Variants in DPYD observed in about 807,000 individuals in gnomAD.
DPYD encodes dihydropyrimidine dehydrogenase.
Under a neutral mutation model 116.2 loss-of-function variants are expected in DPYD, and 109 were observed. The observed-to-expected ratio is 0.94, with a 90% CI of 0.80 to 1.10. The LOEUF (loss-of-function observed/expected upper bound fraction) is 1.10. Ranked by LOEUF, DPYD falls within the 50% of genes least tolerant of loss-of-function variation. The pLI is 0.00. For synonymous variants in DPYD, 440 were observed against 432.0 expected, an observed-to-expected ratio of 1.02 and a Z score of -0.23; for missense variants, 1,302 against 1,254.5, an observed-to-expected ratio of 1.04 and a Z score of -0.57.
intron 8 of DPYD, among the ~76,000 whole-genome samples, chr1:97,637,634 A>G (rs934894483): frequency 6.6e-6 from 1 of 152,132 alleles, no homozygotes; most frequent in African/African-American, 2.4e-5. Context: ...AGAAGTGAGA[A>G]AAGAGAAAGG....
At chr1:97,537,779 A>G (rs1486747113) in intron 12 of DPYD, among the ~76,000 whole-genome samples, 1 of 152,242 alleles carries the variant, frequency 6.6e-6, no homozygotes, top group Non-Finnish European at 1.5e-5. Flanking sequence ...TAAAAAGGAA[A>G]CTGAAACCTT....
Position 97,227,092 on chromosome 1 carries a change from C to A in DPYD, c.2442+7760G>T, listed in dbSNP as rs1417177566. Among the ~76,000 whole-genome samples the A allele has an allele frequency of 2.0e-5, 3 of 152,010 alleles. No individual in the cohort carries two copies. In the East Asian group the frequency reaches 5.8e-4, roughly 29 times the overall value. On this transcript the variant is annotated intron_variant, in intron 19 of 22. Coordinates refer to ENST00000370192, the MANE Select transcript of DPYD (RefSeq NM_000110.4). ...CCTTTAATCCCAGTCTTTTGGGAGG[C>A]TGAGTGGGTGGATCACAAGGTCAGA... is the stretch of plus-strand genomic sequence containing the variant.
intron 8 of DPYD, among the ~76,000 whole-genome samples, chr1:97,669,856 C>A (rs1214869088): frequency 6.6e-6 from 1 of 152,118 alleles, no homozygotes; most frequent in Non-Finnish European, 1.5e-5. Flanking sequence ...TCAATCCCTG[C>A]CATTTCCATG....
At chr1:97,762,627 G>T (rs1557941825) in intron 3 of DPYD, among the ~76,000 whole-genome samples, 1 of 152,048 alleles carries the variant, frequency 6.6e-6, no homozygotes, top group Admixed American at 6.6e-5. Context: ...CTTAACCTTA[G>T]ATTCTCTCTC....
At chr1:97,595,222 G>T in intron 8 of DPYD, 56 bp from the exon 9 acceptor site, 1 of 1,408,016 alleles carries the variant, frequency 7.1e-7, no homozygotes, top group Non-Finnish European at 1.0e-6. Context: ...TTTCCTATTA[G>T]ATATTAAAAC....
intron 18 of DPYD, among the ~76,000 whole-genome samples, chr1:97,258,542 C>T (rs1000741983): frequency 6.6e-6 from 1 of 152,124 alleles, no homozygotes; most frequent in East Asian, 1.9e-4. Context: ...TTTCCTCCTC[C>T]CTGATGTCTA....
Position 97,742,890 on chromosome 1 carries a change from C to T in DPYD, c.234-2411G>A, listed in dbSNP as rs550372104. On this transcript the variant is annotated intron_variant, in intron 3 of 22. Transcript: ENST00000370192. ...ACACAAAAGTAAGCGCACACACACA[C>T]ATATATGGCACATCATATGGATTCT... Among the ~76,000 whole-genome samples, 99 of 152,184 alleles carry T rather than the reference C, an allele frequency of 6.5e-4. 2 individuals are homozygous for T. In the South Asian group the frequency reaches 0.018, roughly 27 times the overall value.
rs1654150940 is a variant in DPYD at position 97,586,689 on chromosome 1, T to C, written c.1128+6529A>G. 2.0e-5 allele frequency among the ~76,000 whole-genome samples: 3 copies of C among 151,690 alleles called. No homozygotes were observed. The South Asian group carries it at 6.2e-4, about 31-fold the overall frequency. On this transcript the variant is annotated intron_variant, in intron 10 of 22. Coordinates refer to ENST00000370192, the MANE Select transcript of DPYD (RefSeq NM_000110.4). ...TAAATGGGCACAAGCTTTTGTTGGC[T>C]CCTGGCCTATTTGCAGTCTTCTTTT...
intron 8 of DPYD, among the ~76,000 whole-genome samples, chr1:97,636,432 G>A (rs1012707306): frequency 6.6e-5 from 10 of 151,798 alleles, no homozygotes; most frequent in African/African-American, 2.2e-4. Context: ...CAAGTCACCC[G>A]ACCTTTCCAA....
At chr1:97,838,868 A>T (rs1669909503) in intron 2 of DPYD, among the ~76,000 whole-genome samples, 1 of 152,024 alleles carries the variant, frequency 6.6e-6, no homozygotes, top group South Asian at 2.1e-4. Flanking sequence ...AAAAATAAAT[A>T]AAAAAATAAA....
intron 8 of DPYD, among the ~76,000 whole-genome samples, chr1:97,616,768 A>C (rs1007010343): frequency 6.6e-6 from 1 of 152,226 alleles, no homozygotes; most frequent in African/African-American, 2.4e-5. Context: ...ATAATTTTTA[A>C]TTTCAATTGT....
intron 13 of DPYD, among the ~76,000 whole-genome samples, chr1:97,471,071 T>A (rs1206834836): frequency 6.6e-6 from 1 of 152,126 alleles, no homozygotes; most frequent in Non-Finnish European, 1.5e-5. Flanking sequence ...AGATTGTGAG[T>A]GCAGAATGCA....
At chr1:97,132,966 T>C in intron 20 of DPYD, among the ~76,000 whole-genome samples, 1 of 152,086 alleles carries the variant, frequency 6.6e-6, no homozygotes, top group Non-Finnish European at 1.5e-5. Flanking sequence ...TATTTCTTAA[T>C]ATAACATGAA....
At chr1:97,815,417 G>T (rs781030788) in intron 3 of DPYD, among the ~76,000 whole-genome samples, 79 of 152,182 alleles carry the variant, frequency 5.2e-4, no homozygotes, top group Admixed American at 8.5e-4. Flanking sequence ...GGACATAGCT[G>T]CCAAGGAGAG....
chr1:97,408,270 C>G (rs4336888), intron 14 of DPYD, among the ~76,000 whole-genome samples: 44,174 of 152,060 alleles, frequency 0.29, 6,560 homozygotes, highest in South Asian at 0.45. Flanking sequence ...ATCAATACCA[C>G]CTACGACCAC....
At chr1:97,510,760 T>A (rs1227701554) in intron 13 of DPYD, among the ~76,000 whole-genome samples, 1 of 152,020 alleles carries the variant, frequency 6.6e-6, no homozygotes, top group Non-Finnish European at 1.5e-5. Context: ...CTTTGTAACA[T>A]GCTTTGAATA....
At chr1:97,231,271 T>C (rs2100735071) in intron 19 of DPYD, among the ~76,000 whole-genome samples, 1 of 152,338 alleles carries the variant, frequency 6.6e-6, no homozygotes, top group African/African-American at 2.4e-5. Flanking sequence ...ACAGGCAATA[T>C]GCCCAGTTGG....
chr1:97,091,057 T>C (rs1179291748), intron 21 of DPYD, among the ~76,000 whole-genome samples: 1 of 152,214 alleles, frequency 6.6e-6, no homozygotes, highest in Non-Finnish European at 1.5e-5. Flanking sequence ...AATATTATTG[T>C]TGCATTCCCA....
At chr1:97,335,414 C>A (rs575830288) in intron 16 of DPYD, among the ~76,000 whole-genome samples, 1 of 151,392 alleles carries the variant, frequency 6.6e-6, no homozygotes, top group Non-Finnish European at 1.5e-5. Flanking sequence ...TTTAAAAGAG[C>A]TTCACAGATT....
Sources: gnomAD v4.1 joint callset for allele counts (sites outside exome capture counted in the v4.1 genomes callset) on GRCh38, gnomAD v4.1.1 for gene constraint, MANE v1.5 for transcripts, NCBI Gene and HGNC (gene_info 2026-07-23, HGNC 2026-07-21) for gene names.